The following PTPRR variants were observed in gnomAD, a reference collection of about 807,000 sequenced individuals.
PTPRR encodes the protein receptor-type tyrosine-protein phosphatase R.
A neutral mutation model predicts 77.2 loss-of-function variants in PTPRR; 38 were observed. The observed-to-expected ratio is 0.49, with a 90% CI of 0.38 to 0.65. The LOEUF is 0.65. Among genes scored for constraint, PTPRR ranks in the 30% least tolerant of loss-of-function variants. The pLI, the probability that PTPRR is intolerant of heterozygous loss-of-function variation, is 0.00. For missense variants in PTPRR, 744 were observed against 799.2 expected, an observed-to-expected ratio of 0.93 and a Z score of 0.83; for synonymous variants, 299 against 283.1, an observed-to-expected ratio of 1.06 and a Z score of -0.57.
intron 5 of PTPRR, among the ~76,000 whole-genome samples, chr12:70,746,849 T>C (rs942067519): frequency 2.0e-5 from 3 of 151,964 alleles, no homozygotes; most frequent in Non-Finnish European, 4.4e-5. Context: ...ATTGAACTCC[T>C]AAGAAAAGAA....
At chr12:70,673,031 CA>C (rs1229938892) in intron 10 of PTPRR, 66,212 of 452,862 alleles carry the variant, frequency 0.15, 149 homozygotes, top group Non-Finnish European at 0.17. Context: ...CGGGCCAAAG[CA>C]AAAAAAAAAA....
At chr12:70,817,348 T>G (rs1323625157) in intron 2 of PTPRR, among the ~76,000 whole-genome samples, 8 of 152,138 alleles carry the variant, frequency 5.3e-5, no homozygotes, top group Non-Finnish European at 7.4e-5. Flanking sequence ...ATGGATAAGG[T>G]CTGTATATTA....
intron 6 of PTPRR, among the ~76,000 whole-genome samples, chr12:70,706,970 A>G (rs1292847257): frequency 1.3e-5 from 2 of 150,426 alleles, no homozygotes; most frequent in Non-Finnish European, 3.0e-5. Context: ...ATAATTAATA[A>G]TAACATGGTG....
chr12:70,877,673 C>T (rs1264634756), intron 2 of PTPRR, among the ~76,000 whole-genome samples: 3 of 152,032 alleles, frequency 2.0e-5, no homozygotes, highest in African/African-American at 4.8e-5. Flanking sequence ...GCCATACTGC[C>T]CAAGGTAATT....
intron 2 of PTPRR, among the ~76,000 whole-genome samples, chr12:70,864,076 A>G (rs1892799747): frequency 6.6e-6 from 1 of 152,128 alleles, no homozygotes; most frequent in South Asian, 2.1e-4. Flanking sequence ...GACAGCCAAG[A>G]CTCACGTATA....
chr12:70,920,701 C>A lies in PTPRR; in HGVS notation c.-311G>T. 3 of 326,528 alleles carry A rather than the reference C, an allele frequency of 9.2e-6. No individual in the cohort carries two copies. The highest frequency in any genetic ancestry group is 3.2e-5 in the South Asian group (1 of 30,980). 20.2% of individuals were successfully genotyped at this position (326,528 alleles called of 1,614,324 possible). A position where few individuals can be genotyped will look rare whatever the true frequency, so the allele number is the denominator to read the frequency against. Reference sequence around the variant, plus strand: ...GACGGCAGGGTGGACTCCGCGCCAGCCCAGCAGCCCAGCAGCAGCGCCGCG... The same window carrying A: ...GACGGCAGGGTGGACTCCGCGCCAGACCAGCAGCCCAGCAGCAGCGCCGCG... On this transcript the variant is annotated 5_prime_UTR_variant, in exon 1 of 14. Coordinates refer to ENST00000283228, the MANE Select transcript of PTPRR (RefSeq NM_002849.4).
intron 2 of PTPRR, among the ~76,000 whole-genome samples, chr12:70,859,757 C>T (rs1282699916): frequency 2.0e-5 from 3 of 151,976 alleles, no homozygotes; most frequent in Non-Finnish European, 2.9e-5. Flanking sequence ...GATCCTGGCA[C>T]TGGGTAAACA....
chr12:70,743,897 C>T (rs74446955), intron 6 of PTPRR, among the ~76,000 whole-genome samples: 5,169 of 152,240 alleles, frequency 0.034, 311 homozygotes, highest in African/African-American at 0.12. Context: ...CTTTCCTAGA[C>T]AATTTTATTC....
chr12:70,721,704 C>T (rs1448076460), intron 6 of PTPRR, among the ~76,000 whole-genome samples: 1 of 152,150 alleles, frequency 6.6e-6, no homozygotes, highest in Non-Finnish European at 1.5e-5. Context: ...CATAACACCG[C>T]AAACTTTTCT....
intron 6 of PTPRR, among the ~76,000 whole-genome samples, chr12:70,737,477 A>T (rs1394321320): frequency 3.6e-5 from 5 of 140,762 alleles, no homozygotes; most frequent in African/African-American, 5.9e-5. Flanking sequence ...TTATGGGTCT[A>T]TTTAATGAAT....
intron 6 of PTPRR, 89 bp from the exon 7 acceptor site, chr12:70,701,412 G>C: frequency 6.8e-6 from 8 of 1,173,642 alleles, no homozygotes; most frequent in Non-Finnish European, 7.2e-6. Flanking sequence ...ACAATTCAGT[G>C]AGAACTTTTA....
rs139168272 is a variant in PTPRR at position 70,739,751 on chromosome 12, C to A, written c.1007+6067G>T. ...TAGGTGTTATACATCACTGTGGGCA[C>A]AAATAGGTTACATGGCCAGTGGTAG... is the stretch of plus-strand genomic sequence containing the variant. On this transcript the variant is annotated intron_variant, in intron 6 of 13. Coordinates refer to ENST00000283228, the MANE Select transcript of PTPRR (RefSeq NM_002849.4). Among the ~76,000 whole-genome samples, 691 of 152,162 alleles carry A rather than the reference C, an allele frequency of 4.5e-3. 10 individuals are homozygous for A. Among genetic ancestry groups the A allele is most frequent in the African/African-American group, 0.016 (668 of 41,484 alleles).
chr12:70,793,174 T>C (rs1052545882), intron 2 of PTPRR, among the ~76,000 whole-genome samples: 3 of 152,116 alleles, frequency 2.0e-5, no homozygotes, highest in Non-Finnish European at 2.9e-5. Flanking sequence ...GCAGAAACAA[T>C]AGCAAATACT....
chr12:70,768,089 A>G (rs1393931999), intron 2 of PTPRR, among the ~76,000 whole-genome samples: 3 of 152,140 alleles, frequency 2.0e-5, no homozygotes, highest in Non-Finnish European at 4.4e-5. Flanking sequence ...ACACCCTAAC[A>G]TCACAATTAA....
intron 2 of PTPRR, among the ~76,000 whole-genome samples, chr12:70,816,227 C>T (rs1189977065): frequency 6.6e-6 from 1 of 151,850 alleles, no homozygotes; most frequent in Non-Finnish European, 1.5e-5. Flanking sequence ...TATTTATAAA[C>T]AAATATGAAA....
intron 13 of PTPRR, among the ~76,000 whole-genome samples, chr12:70,640,035 A>T (rs1222067165): frequency 6.6e-6 from 1 of 152,210 alleles, no homozygotes; most frequent in East Asian, 1.9e-4. Flanking sequence ...CACCATTATC[A>T]TCACTAGCTG....
chr12:70,824,999 G>A (rs1892084490), intron 2 of PTPRR, among the ~76,000 whole-genome samples: 1 of 152,144 alleles, frequency 6.6e-6, no homozygotes, highest in African/African-American at 2.4e-5. Flanking sequence ...GAAATCTTAA[G>A]TTAGGCTGGG....
chr12:70,828,255 C>A (rs1253527070), intron 2 of PTPRR, among the ~76,000 whole-genome samples: 1 of 152,170 alleles, frequency 6.6e-6, no homozygotes, highest in East Asian at 1.9e-4. Context: ...AAATTTGTCT[C>A]CACATTCCTT....
At chr12:70,684,555 TG>T in intron 9 of PTPRR, 148 bp downstream of exon 9, 1 of 669,220 alleles carries the variant, frequency 1.5e-6, no homozygotes, top group Non-Finnish European at 2.6e-6. Flanking sequence ...TTAACAATGT[TG>T]ATTATGACTA....
Sources: gnomAD v4.1 joint callset for allele counts (sites outside exome capture counted in the v4.1 genomes callset) on GRCh38, gnomAD v4.1.1 for gene constraint, MANE v1.5 for transcripts, NCBI Gene and HGNC (gene_info 2026-07-23, HGNC 2026-07-21) for gene names.